The following ACVR1C variants were observed in gnomAD, a reference collection of about 807,000 sequenced individuals.
The protein encoded by ACVR1C is activin receptor type-1C.
Under a neutral mutation model 57.9 loss-of-function variants are expected in ACVR1C, and 23 were observed. The observed-to-expected ratio is 0.40, with a 90% CI of 0.29 to 0.56. The LOEUF (loss-of-function observed/expected upper bound fraction) is 0.56. Among genes scored for constraint, ACVR1C ranks in the 20% least tolerant of loss-of-function variants. The pLI is 0.50. For missense variants in ACVR1C, 480 were observed against 607.9 expected, an observed-to-expected ratio of 0.79 and a Z score of 2.21; for synonymous variants, 214 against 215.3, an observed-to-expected ratio of 0.99 and a Z score of 0.05.
At chr2:157,627,417 C>T (rs1293246498) in intron 1 of ACVR1C, among the ~76,000 whole-genome samples, 1 of 152,082 alleles carries the variant, frequency 6.6e-6, no homozygotes, top group African/African-American at 2.4e-5. Flanking sequence ...TGTTTTAATC[C>T]TCAGATTTTG....
intron 1 of ACVR1C, among the ~76,000 whole-genome samples, chr2:157,606,648 T>C (rs1052608082): frequency 9.9e-5 from 15 of 151,596 alleles, no homozygotes; most frequent in African/African-American, 3.6e-4. Context: ...TTAATAGGAT[T>C]GTTTGTTTGT....
At chr2:157,573,297 C>A (rs114030973) in intron 2 of ACVR1C, among the ~76,000 whole-genome samples, 1 of 152,068 alleles carries the variant, frequency 6.6e-6, no homozygotes, top group Non-Finnish European at 1.5e-5. Context: ...TTCCTCTTTA[C>A]GCAATTCAGA....
In ACVR1C at chr2:157,533,818, C is replaced by G. The variant is rs543320424; in HGVS notation, c.*100G>C. On this transcript the variant is annotated 3_prime_UTR_variant, in exon 9 of 9. Coordinates refer to ENST00000243349, the MANE Select transcript of ACVR1C (RefSeq NM_145259.3). Reference sequence around the variant, plus strand: ...GCACTTAAATACTGTACTGTCTTATCTTTGAGGTAGAACAAAAAAAAAATG... The same window carrying G: ...GCACTTAAATACTGTACTGTCTTATGTTTGAGGTAGAACAAAAAAAAAATG... The G allele has an allele frequency of 7.8e-7, 1 of 1,275,832 alleles. No individual in the cohort carries two copies. Among genetic ancestry groups the G allele is most frequent in the Non-Finnish European group, 1.0e-6 (1 of 959,614 alleles). 79.0% of individuals were successfully genotyped at this position (1,275,832 alleles called of 1,614,324 possible). A position where few individuals can be genotyped will look rare whatever the true frequency, so the allele number is the denominator to read the frequency against.
At chr2:157,560,121 T>A (rs1256143111) in intron 2 of ACVR1C, among the ~76,000 whole-genome samples, 1 of 152,160 alleles carries the variant, frequency 6.6e-6, no homozygotes, top group East Asian at 1.9e-4. Context: ...GAAGACTTAG[T>A]TTAAATGCAT....
intron 1 of ACVR1C, among the ~76,000 whole-genome samples, chr2:157,626,168 A>G (rs985938792): frequency 2.6e-5 from 4 of 152,140 alleles, no homozygotes; most frequent in Admixed American, 2.0e-4. Context: ...GTGTCTCACT[A>G]TGTTGCCTGA....
intron 1 of ACVR1C, among the ~76,000 whole-genome samples, chr2:157,607,811 GT>G (rs2059413805): frequency 6.6e-6 from 1 of 151,654 alleles, no homozygotes; most frequent in Non-Finnish European, 1.5e-5. Flanking sequence ...CAGTTTTGTA[GT>G]TTGCACCTTT....
chr2:157,612,947 G>A lies in ACVR1C; in HGVS notation c.73+15625C>T, dbSNP rs181898205. On this transcript the variant is annotated intron_variant, in intron 1 of 8. Coordinates refer to ENST00000243349, the MANE Select transcript of ACVR1C (RefSeq NM_145259.3). Reference sequence around the variant, plus strand: ...ATTTTGCAGCTGCTTAGGTCTCAGGGATGTGTGTGACCCAGTACAAGTTCC... The same window carrying A: ...ATTTTGCAGCTGCTTAGGTCTCAGGAATGTGTGTGACCCAGTACAAGTTCC... Among the ~76,000 whole-genome samples, 71 of 152,304 alleles carry A rather than the reference G, an allele frequency of 4.7e-4. 2 individuals carry two copies. Among genetic ancestry groups the A allele is most frequent in the Non-Finnish European group, 5.9e-5 (4 of 68,012 alleles).
intron 6 of ACVR1C, among the ~76,000 whole-genome samples, chr2:157,542,473 C>T (rs1421550295): frequency 6.6e-6 from 1 of 152,174 alleles, no homozygotes; most frequent in South Asian, 2.1e-4. Flanking sequence ...CATCATTTCT[C>T]TCCACTGGAC....
chr2:157,553,779 G>A (rs10171477), intron 3 of ACVR1C, among the ~76,000 whole-genome samples: 8,982 of 152,162 alleles, frequency 0.059, 339 homozygotes, highest in African/African-American at 0.11. Flanking sequence ...TAAATCAGAG[G>A]TCTCTGTGCC....
chr2:157,540,236 C>A lies in ACVR1C; in HGVS notation c.1225+854G>T, dbSNP rs138942674. Among the ~76,000 whole-genome samples the A allele has an allele frequency of 2.4e-3, 365 of 152,342 alleles. 1 individual carries two copies. Among genetic ancestry groups the A allele is most frequent in the African/African-American group, 8.0e-3 (332 of 41,576 alleles). ...CCAACGCTTAGTCCTAAGTCTGTCTCACTTGAAAGTGGAAACTCTAAACCA... is the reference window on the plus strand; with the variant it reads ...CCAACGCTTAGTCCTAAGTCTGTCTAACTTGAAAGTGGAAACTCTAAACCA... On this transcript the variant is annotated intron_variant, in intron 7 of 8. Transcript: ENST00000243349.
At chr2:157,600,653 T>C (rs1479904659) in intron 1 of ACVR1C, among the ~76,000 whole-genome samples, 1 of 152,180 alleles carries the variant, frequency 6.6e-6, no homozygotes, top group African/African-American at 2.4e-5. Flanking sequence ...AAAGAATAGA[T>C]AATTCTCAAT....
Position 157,575,215 on chromosome 2 carries a change from G to A in ACVR1C, c.304+11972C>T, listed in dbSNP as rs58706525. On this transcript the variant is annotated intron_variant, in intron 2 of 8. Transcript: ENST00000243349. ...GCGATCTCGCCTTACTACAACCTCC[G>A]CCTCCCGGGTTCAAGCGATTCTCCT... Among the ~76,000 whole-genome samples, 79 of 133,522 alleles carry A rather than the reference G, an allele frequency of 5.9e-4. 1 individual carries two copies. The East Asian group carries it at 0.012, about 20-fold the overall frequency. 87.6% of individuals were successfully genotyped at this position (133,522 alleles called of 152,430 possible).
chr2:157,586,980 T>G (rs1007283379), intron 2 of ACVR1C, among the ~76,000 whole-genome samples: 1 of 152,178 alleles, frequency 6.6e-6, no homozygotes, highest in Non-Finnish European at 1.5e-5. Flanking sequence ...ATTGTTACGT[T>G]ATTGTCAATG....
intron 4 of ACVR1C, among the ~76,000 whole-genome samples, chr2:157,545,266 G>A (rs1236267201): frequency 6.6e-6 from 1 of 152,134 alleles, no homozygotes; most frequent in Non-Finnish European, 1.5e-5. Flanking sequence ...GTGAGCTTTA[G>A]CTTTTGAAAT....
intron 2 of ACVR1C, among the ~76,000 whole-genome samples, chr2:157,566,524 C>CA: frequency 6.6e-6 from 1 of 152,302 alleles, no homozygotes; most frequent in South Asian, 2.1e-4. Context: ...CGAGCCGAAG[C>CA]AGGGCGAGGC....
chr2:157,592,689 A>G (rs1424499982), intron 1 of ACVR1C, among the ~76,000 whole-genome samples: 1 of 152,092 alleles, frequency 6.6e-6, no homozygotes, highest in Admixed American at 6.6e-5. Flanking sequence ...TAATTCAACT[A>G]TATTTATATT....
chr2:157,587,087 T>A, intron 2 of ACVR1C, 100 bp downstream of exon 2: 3 of 1,098,260 alleles, frequency 2.7e-6, no homozygotes. Flanking sequence ...TAAAACAGAT[T>A]TTCCTATTTA....
At chr2:157,620,877 A>C (rs1682757331) in intron 1 of ACVR1C, among the ~76,000 whole-genome samples, 1 of 152,122 alleles carries the variant, frequency 6.6e-6, no homozygotes, top group Non-Finnish European at 1.5e-5. Context: ...TGCATAAAAA[A>C]AGGTATAAGG....
chr2:157,606,106 A>T (rs560092010), intron 1 of ACVR1C, among the ~76,000 whole-genome samples: 58 of 151,832 alleles, frequency 3.8e-4, no homozygotes, highest in African/African-American at 1.3e-3. Flanking sequence ...CTCCAGTTCC[A>T]TCATGTTGCT....
Sources: allele counts gnomAD v4.1 joint callset (sites outside exome capture counted in the v4.1 genomes callset), GRCh38; gene constraint gnomAD v4.1.1; transcripts MANE v1.5; gene names NCBI Gene and HGNC (gene_info 2026-07-23, HGNC 2026-07-21).